Variants in DYNC2I2 observed in about 807,000 individuals in gnomAD.
DYNC2I2 encodes cytoplasmic dynein 2 intermediate chain 2.
In DYNC2I2, 39 loss-of-function variants were observed where a neutral mutation model predicts 52.0. The observed-to-expected ratio is 0.75, with a 90% confidence interval of 0.58 to 0.98. The LOEUF (loss-of-function observed/expected upper bound fraction) is 0.98, where lower values mean the gene tolerates loss of function less well. Among genes scored for constraint, DYNC2I2 ranks in the 50% least tolerant of loss-of-function variants. The pLI is 0.00. For missense variants in DYNC2I2, 743 were observed against 728.4 expected (o/e 1.02, Z -0.23); for synonymous variants, 359 against 321.1 (o/e 1.12, Z -1.26).
At chr9:128,655,524 A>G (rs544368435) in intron 1 of DYNC2I2, among the ~76,000 whole-genome samples, 33 of 147,990 alleles carry the variant, frequency 2.2e-4, no homozygotes, top group Admixed American at 1.2e-3. Flanking sequence ...AAAAAAAAAA[A>G]AGAGAAAGAA....
At chr9:128,664,306 G>T in the DYNC2I2 span, among the ~76,000 whole-genome samples, 4,133 of 151,828 alleles carry the variant, frequency 0.027, 178 homozygotes, top group African/African-American at 0.095. Flanking sequence ...CGTCCTTGAT[G>T]TCTCTGTTCA....
chr9:128,681,644 G>A, the DYNC2I2 span, among the ~76,000 whole-genome samples: 1 of 152,190 alleles, frequency 6.6e-6, no homozygotes, highest in Admixed American at 6.6e-5. Flanking sequence ...GTCTTGGCAT[G>A]CAGTTTTCCA....
the DYNC2I2 span, among the ~76,000 whole-genome samples, chr9:128,674,054 C>T: frequency 9.2e-5 from 14 of 151,600 alleles, no homozygotes; most frequent in Non-Finnish European, 1.6e-4. Flanking sequence ...GTGATCCACC[C>T]ACCTCACCCT....
the DYNC2I2 span, among the ~76,000 whole-genome samples, chr9:128,672,412 T>C: frequency 6.6e-6 from 1 of 151,324 alleles, no homozygotes; most frequent in Non-Finnish European, 1.5e-5. Flanking sequence ...CAGGCTAGTC[T>C]CAAACTCCTG....
the DYNC2I2 span, among the ~76,000 whole-genome samples, chr9:128,664,893 G>T: frequency 6.6e-6 from 1 of 151,796 alleles, no homozygotes; most frequent in African/African-American, 2.4e-5. Flanking sequence ...AAGGCCTAAG[G>T]GTGGAGGAGC....
chr9:128,634,766 G>A lies in DYNC2I2; in HGVS notation c.1137C>T (p.Pro379=). ...AGGTAAACTGTGCTGGGGCCCGCAG[G>A]GGCACGGAGCTGGGCATCCGCGTGA... ...AALTRMPSSV[P]LRAPAQFTFS... The change falls in exon 7 of 9, where the codon CCC becomes CCT. Residue 379 remains proline (P), a synonymous_variant. Coordinates refer to ENST00000372715, the MANE Select transcript of DYNC2I2 (RefSeq NM_052844.4). The A allele has an allele frequency of 6.2e-7, 1 of 1,607,474 alleles. No individual in the cohort carries two copies. The highest frequency in any genetic ancestry group is 1.1e-5 in the South Asian group (1 of 90,084).
At chr9:128,636,506 TC>T in intron 3 of DYNC2I2, 68 bp from the exon 4 acceptor site, 1 of 1,518,760 alleles carries the variant, frequency 6.6e-7, no homozygotes, top group Non-Finnish European at 8.8e-7. Context: ...CCCACCTCTC[TC>T]CCCACTAGCC....
the DYNC2I2 span, among the ~76,000 whole-genome samples, chr9:128,674,448 T>A: frequency 1.4e-5 from 2 of 146,214 alleles, no homozygotes; most frequent in East Asian, 2.3e-4. Flanking sequence ...CTAGCTAATT[T>A]AAAAAAAAAT....
chr9:128,666,475 G>A, the DYNC2I2 span, among the ~76,000 whole-genome samples: 1 of 149,998 alleles, frequency 6.7e-6, no homozygotes, highest in Non-Finnish European at 1.5e-5. Context: ...TAAAAATGAA[G>A]ACAATGCCGG....
chr9:128,636,742 C>T (rs569105308), intron 3 of DYNC2I2, among the ~76,000 whole-genome samples, 176 bp downstream of exon 3: 10 of 152,282 alleles, frequency 6.6e-5, no homozygotes, highest in African/African-American at 2.2e-4. Context: ...TGGCACTCAG[C>T]CCCACTGCCT....
At chr9:128,678,868 G>A in the DYNC2I2 span, among the ~76,000 whole-genome samples, 10 of 152,034 alleles carry the variant, frequency 6.6e-5, no homozygotes, top group South Asian at 2.1e-4. Context: ...AGGAGATGGA[G>A]AGCATCCTGG....
the DYNC2I2 span, among the ~76,000 whole-genome samples, chr9:128,662,317 G>C: frequency 6.6e-6 from 1 of 152,128 alleles, no homozygotes; most frequent in Non-Finnish European, 1.5e-5. Context: ...CATGCTCTTT[G>C]TGTTGAGAGG....
rs573636453 is a variant in DYNC2I2 at position 128,650,546 on chromosome 9, T to C, written c.186+5995A>G. On this transcript the variant is annotated intron_variant, in intron 1 of 8. Transcript: ENST00000372715. ...AAGACCATATATATATATATATATA[T>C]ATGCCACCACGCCCGGCTAATTTTG... 4.2e-5 allele frequency among the ~76,000 whole-genome samples: 2 copies of C among 47,402 alleles called. 1 individual carries two copies. The highest frequency in any genetic ancestry group is 8.4e-5 in the African/African-American group (2 of 23,854). 31.1% of individuals were successfully genotyped at this position (47,402 alleles called of 152,430 possible).
intron 1 of DYNC2I2, among the ~76,000 whole-genome samples, chr9:128,641,588 C>A (rs935853798): frequency 3.3e-5 from 5 of 152,146 alleles, no homozygotes; most frequent in Non-Finnish European, 5.9e-5. Flanking sequence ...TACAGACATG[C>A]CCAATCTTCA....
At chr9:128,651,587 G>T in intron 1 of DYNC2I2, 1 of 56,468 alleles carries the variant, frequency 1.8e-5, no homozygotes, top group South Asian at 5.7e-4. Flanking sequence ...GCACACCTTG[G>T]AGAGCCACAA....
the DYNC2I2 span, among the ~76,000 whole-genome samples, chr9:128,667,148 G>A: frequency 8.1e-4 from 122 of 151,304 alleles, no homozygotes; most frequent in Non-Finnish European, 1.6e-3. Flanking sequence ...GCAGTGAGCC[G>A]AGATCACGCC....
the DYNC2I2 span, among the ~76,000 whole-genome samples, chr9:128,670,796 G>A: frequency 6.6e-6 from 1 of 151,110 alleles, no homozygotes; most frequent in African/African-American, 2.4e-5. Flanking sequence ...GGGGTGTGGT[G>A]GCTCAGGCCT....
chr9:128,656,397 G>C, intron 1 of DYNC2I2, 144 bp downstream of exon 1: 1 of 501,638 alleles, frequency 2.0e-6, no homozygotes, highest in Non-Finnish European at 2.7e-6. Flanking sequence ...GGCAAACGGT[G>C]GGACGCCCGA....
In DYNC2I2 at chr9:128,644,398, C is replaced by T. The variant is rs138662646; in HGVS notation, c.187-3459G>A. Among the ~76,000 whole-genome samples, 17 of 152,090 alleles carry T rather than the reference C, an allele frequency of 1.1e-4. No homozygotes were observed. In the East Asian group the frequency reaches 3.1e-3, roughly 28 times the overall value. On this transcript the variant is annotated intron_variant, in intron 1 of 8. Transcript: ENST00000372715. ...CAGGCAATCCTCCCACCTCAGCCCC[C>T]CAAGTAGCTGGGACTACAGGTACAC...
Sources: allele counts gnomAD v4.1 joint callset (sites outside exome capture counted in the v4.1 genomes callset), GRCh38; gene constraint gnomAD v4.1.1; transcripts MANE v1.5; gene names NCBI Gene and HGNC (gene_info 2026-07-23, HGNC 2026-07-21).